The following RPS6KC1 variants were observed in gnomAD, a reference collection of about 807,000 sequenced individuals.
RPS6KC1 encodes ribosomal protein S6 kinase C1.
A neutral mutation model predicts 103.8 loss-of-function variants in RPS6KC1; 54 were observed. The observed-to-expected ratio is 0.52, with a 90% CI of 0.42 to 0.65. The LOEUF (loss-of-function observed/expected upper bound fraction) is 0.65. RPS6KC1 is among the 30% of genes least tolerant of loss of function. The probability of loss-of-function intolerance (pLI) is 0.00; values close to 1 mark genes in which losing one functional copy is unlikely to be tolerated. For missense variants in RPS6KC1, 1,151 were observed against 1,253.8 expected (o/e 0.92, Z 1.24); for synonymous variants, 439 against 438.7 (o/e 1.00, Z -0.01).
chr1:213,516,664 T>C, the RPS6KC1 span, among the ~76,000 whole-genome samples: 1 of 152,224 alleles, frequency 6.6e-6, no homozygotes, highest in South Asian at 2.1e-4. Context: ...GCATCGATGT[T>C]CATCAGGGAT....
intron 1 of RPS6KC1, among the ~76,000 whole-genome samples, chr1:213,063,758 A>G (rs577521298): frequency 2.6e-5 from 4 of 152,348 alleles, no homozygotes; most frequent in African/African-American, 9.6e-5. Context: ...GGTTTGAAGA[A>G]TTCTGCTGTA....
chr1:213,192,451 A>T (rs2092782811), intron 8 of RPS6KC1, among the ~76,000 whole-genome samples: 1 of 152,236 alleles, frequency 6.6e-6, no homozygotes. Flanking sequence ...TTTCAGTAGG[A>T]CTGGTGTTCT....
chr1:213,775,043 G>A, the RPS6KC1 span, among the ~76,000 whole-genome samples: 1 of 152,116 alleles, frequency 6.6e-6, no homozygotes, highest in Non-Finnish European at 1.5e-5. Context: ...GGTCTTTGAG[G>A]GGACATGGAG....
chr1:213,794,941 G>A, the RPS6KC1 span, among the ~76,000 whole-genome samples: 298 of 152,256 alleles, frequency 2.0e-3, 7 homozygotes, highest in East Asian at 0.027. Context: ...ATAAATGCAC[G>A]TCTAGGTCAG....
chr1:213,673,175 A>T, the RPS6KC1 span, among the ~76,000 whole-genome samples: 3 of 152,328 alleles, frequency 2.0e-5, no homozygotes, highest in Admixed American at 2.0e-4. Context: ...ATAAACATGG[A>T]TCAGCAGCTC....
intron 8 of RPS6KC1, among the ~76,000 whole-genome samples, chr1:213,194,093 T>G (rs1463197477): frequency 6.6e-6 from 1 of 152,234 alleles, no homozygotes; most frequent in Non-Finnish European, 1.5e-5. Context: ...TCTTATAGTT[T>G]GTCTTGAAAT....
At chr1:213,089,307 C>CCATGGTG (rs1461227500) in intron 3 of RPS6KC1, among the ~76,000 whole-genome samples, 1 of 152,106 alleles carries the variant, frequency 6.6e-6, no homozygotes, top group African/African-American at 2.4e-5. Flanking sequence ...ACCTTATATT[C>CCATGGTG]CATGGTGCTT....
chr1:213,385,250 A>G, the RPS6KC1 span, among the ~76,000 whole-genome samples: 2 of 152,220 alleles, frequency 1.3e-5, no homozygotes, highest in Non-Finnish European at 2.9e-5. Flanking sequence ...GCACAGAAGA[A>G]CACAACAGTG....
chr1:213,637,158 TTGG>T, the RPS6KC1 span, among the ~76,000 whole-genome samples: 2 of 152,134 alleles, frequency 1.3e-5, no homozygotes, highest in Non-Finnish European at 2.9e-5. Context: ...TTTTACACTG[TTGG>T]TGGGAGTGTA....
the RPS6KC1 span, among the ~76,000 whole-genome samples, chr1:213,575,202 T>G: frequency 2.0e-5 from 3 of 152,154 alleles, no homozygotes; most frequent in Non-Finnish European, 2.9e-5. Flanking sequence ...AGTGTATATA[T>G]ATATATATTT....
At chr1:213,590,605 G>A in the RPS6KC1 span, among the ~76,000 whole-genome samples, 1 of 152,090 alleles carries the variant, frequency 6.6e-6, no homozygotes, top group Non-Finnish European at 1.5e-5. Flanking sequence ...CCTGAGTTGG[G>A]GTGAAGGGAC....
At chr1:213,847,928 T>C in the RPS6KC1 span, among the ~76,000 whole-genome samples, 2 of 152,030 alleles carry the variant, frequency 1.3e-5, no homozygotes, top group Non-Finnish European at 2.9e-5. Flanking sequence ...TTTGAAATCT[T>C]TAATCTCTTC....
At chr1:213,644,709 C>T in the RPS6KC1 span, among the ~76,000 whole-genome samples, 2 of 152,050 alleles carry the variant, frequency 1.3e-5, no homozygotes, top group East Asian at 3.9e-4. Context: ...CAGCAAATGT[C>T]CTAGGAGTGG....
chr1:213,385,945 G>A, the RPS6KC1 span, among the ~76,000 whole-genome samples: 2 of 152,184 alleles, frequency 1.3e-5, no homozygotes, highest in African/African-American at 4.8e-5. Context: ...CTGTGGGCAG[G>A]TTACTAATCT....
the RPS6KC1 span, among the ~76,000 whole-genome samples, chr1:213,479,116 G>A: frequency 1.3e-5 from 2 of 151,944 alleles, no homozygotes; most frequent in Non-Finnish European, 2.9e-5. Flanking sequence ...TCTATCACCT[G>A]AATATATCAC....
the RPS6KC1 span, among the ~76,000 whole-genome samples, chr1:213,416,727 C>G: frequency 1.3e-5 from 2 of 152,170 alleles, no homozygotes; most frequent in Admixed American, 6.5e-5. Context: ...TGGGCGAGGG[C>G]CTGAGAGCAG....
chr1:213,637,832 TG>T, the RPS6KC1 span, among the ~76,000 whole-genome samples: 4 of 152,080 alleles, frequency 2.6e-5, no homozygotes, highest in African/African-American at 9.7e-5. Flanking sequence ...TTTTTGTTTT[TG>T]TTTTTTTAGG....
At position 213,214,939 on chromosome 1, in the gene RPS6KC1, T is replaced by G. The variant is rs182663689; in HGVS notation, c.1045-15558T>G. Among the ~76,000 whole-genome samples the G allele has an allele frequency of 1.6e-3, 239 of 151,764 alleles. 1 individual carries two copies. The highest frequency in any genetic ancestry group is 5.1e-3 in the African/African-American group (209 of 41,372). On this transcript the variant is annotated intron_variant, in intron 8 of 14. Transcript: ENST00000366960. ...ACAAAGATGGGGAAAAAACAGAACA[T>G]AAAAAACTGAAAATTCTAAAAATCA... is the stretch of plus-strand genomic sequence containing the variant.
chr1:213,125,313 A>T (rs1240271056), intron 5 of RPS6KC1, among the ~76,000 whole-genome samples: 1 of 152,120 alleles, frequency 6.6e-6, no homozygotes, highest in Non-Finnish European at 1.5e-5. Flanking sequence ...AGCATTAAAT[A>T]TTCTATAAAA....
Sources: allele counts gnomAD v4.1 joint callset (sites outside exome capture counted in the v4.1 genomes callset), GRCh38; gene constraint gnomAD v4.1.1; transcripts MANE v1.5; gene names NCBI Gene and HGNC (gene_info 2026-07-23, HGNC 2026-07-21).